ASH1L: variants seen among roughly 807,000 people sequenced by gnomAD.
ASH1L encodes ASH1 like histone lysine methyltransferase, also known as histone-lysine N-methyltransferase ASH1L.
Under a neutral mutation model 269.0 loss-of-function variants are expected in ASH1L, and 23 were observed. The observed-to-expected ratio is 0.09, with a 90% CI of 0.06 to 0.12. The LOEUF (loss-of-function observed/expected upper bound fraction) is 0.12. Among genes scored for constraint, ASH1L ranks in the 10% least tolerant of loss-of-function variants. The pLI, the probability that ASH1L is intolerant of heterozygous loss-of-function variation, is 1.00. For synonymous variants in ASH1L, 1,187 were observed against 1,253.5 expected (o/e 0.95, Z 1.12); for missense variants, 2,912 against 3,567.8 (o/e 0.82, Z 4.68).
intron 12 of ASH1L, among the ~76,000 whole-genome samples, chr1:155,362,400 TA>T (rs1001556035): frequency 2.4e-3 from 338 of 141,656 alleles, no homozygotes; most frequent in Middle Eastern, 3.6e-3. Context: ...CTTAATATAT[TA>T]AAAAAAAAAA....
At position 155,337,540 on chromosome 1, in the gene ASH1L, T is replaced by C. The variant is rs1450789727; in HGVS notation, c.*120A>G. Reference sequence around the variant, plus strand: ...TATTAAGTACCTAATGTCAACAACATGGCCCCATTCCCCTTGCCCAGATGG... The same window carrying C: ...TATTAAGTACCTAATGTCAACAACACGGCCCCATTCCCCTTGCCCAGATGG... On this transcript the variant is annotated 3_prime_UTR_variant, in exon 28 of 28. Coordinates refer to ENST00000392403, the MANE Select transcript of ASH1L (RefSeq NM_018489.3). The C allele has an allele frequency of 1.3e-6, 1 of 769,270 alleles. No homozygotes were observed. The highest frequency in any genetic ancestry group is 2.0e-5 in the Admixed American group (1 of 50,244). The allele number at this position is 769,270 out of a possible 1,614,324, so 47.7% of individuals were successfully genotyped here. A position where few individuals can be genotyped will look rare whatever the true frequency, so the allele number is the denominator to read the frequency against.
rs556974313 is a variant in ASH1L at position 155,335,739 on chromosome 1, T to G, written c.*1921A>C. 9.8e-5 allele frequency: 15 copies of G among 152,868 alleles called. No homozygotes were observed. The highest frequency in any genetic ancestry group is 3.6e-4 in the African/African-American group (15 of 41,568). The allele number at this position is 152,868 out of a possible 1,614,324, so 9.5% of individuals were successfully genotyped here. ...GACAGAGCGTAGTGTCTTTTGCTTC[T>G]GTTCTCGCATTTTACAAAGTTTTTT... is the stretch of plus-strand genomic sequence containing the variant. On this transcript the variant is annotated 3_prime_UTR_variant, in exon 28 of 28. Coordinates refer to ENST00000392403, the MANE Select transcript of ASH1L (RefSeq NM_018489.3).
intron 16 of ASH1L, among the ~76,000 whole-genome samples, 167 bp downstream of exon 16, chr1:155,354,306 G>A (rs879703570): frequency 6.6e-5 from 10 of 152,180 alleles, no homozygotes; most frequent in Non-Finnish European, 1.3e-4. Context: ...AGCCGGGCAT[G>A]GTGGCGGGCG....
intron 8 of ASH1L, among the ~76,000 whole-genome samples, chr1:155,379,062 T>A (rs987623000): frequency 6.7e-6 from 1 of 149,742 alleles, no homozygotes; most frequent in African/African-American, 2.5e-5. Flanking sequence ...GCAGGCAAAA[T>A]GGAGCTCTCA....
intron 5 of ASH1L, among the ~76,000 whole-genome samples, chr1:155,434,708 C>T (rs1022718285): frequency 1.3e-5 from 2 of 151,742 alleles, no homozygotes; most frequent in Non-Finnish European, 2.9e-5. Flanking sequence ...AAAAAATTAG[C>T]CAGGCATGGT....
At chr1:155,462,803 T>C (rs1300397882) in intron 3 of ASH1L, among the ~76,000 whole-genome samples, 3 of 152,206 alleles carry the variant, frequency 2.0e-5, no homozygotes, top group African/African-American at 4.8e-5. Context: ...TTCTTAACAA[T>C]ATTCCATATT....
chr1:155,409,359 G>C (rs1659572791), intron 6 of ASH1L, among the ~76,000 whole-genome samples: 2 of 151,870 alleles, frequency 1.3e-5, no homozygotes, highest in African/African-American at 4.8e-5. Context: ...TTAAACTTAG[G>C]GAAAAAACAT....
intron 4 of ASH1L, among the ~76,000 whole-genome samples, chr1:155,442,373 A>T (rs1415011093): frequency 6.6e-6 from 1 of 151,908 alleles, no homozygotes; most frequent in Non-Finnish European, 1.5e-5. Flanking sequence ...GGATCAGGTC[A>T]GGAGTTTGAA....
chr1:155,484,928 C>CAAAAAAAAAAA (rs761331437), intron 2 of ASH1L, among the ~76,000 whole-genome samples: 9 of 82,772 alleles, frequency 1.1e-4, no homozygotes, highest in African/African-American at 4.4e-4. Context: ...TGCTCTGTCT[C>CAAAAAAAAAAA]AAAAAAAAAA....
Position 155,343,531 on chromosome 1 carries a change from C to T in ASH1L, c.8121-45G>A, listed in dbSNP as rs763163507. On this transcript the variant is annotated intron_variant, in intron 23 of 27. Coordinates refer to ENST00000392403, the MANE Select transcript of ASH1L (RefSeq NM_018489.3). The surrounding 1 kb of genome is among the most constrained non-coding windows in gnomAD (Gnocchi z 6.1). ...AGAAGGGAGAGGTTTAGCTGATTAG[C>T]AAGATCCTAGTGAACATTCAGCTCC... The T allele has an allele frequency of 2.5e-5, 41 of 1,611,708 alleles. No homozygotes were observed. In the Admixed American group the frequency reaches 6.7e-4, roughly 26 times the overall value.
chr1:155,434,571 G>A (rs1661923858), intron 5 of ASH1L, among the ~76,000 whole-genome samples: 1 of 151,936 alleles, frequency 6.6e-6, no homozygotes, highest in South Asian at 2.1e-4. Flanking sequence ...AATTTAGGAT[G>A]GTGGGGCGCC....
chr1:155,452,142 G>A (rs530893876), intron 4 of ASH1L, among the ~76,000 whole-genome samples: 16 of 151,510 alleles, frequency 1.1e-4, no homozygotes, highest in Admixed American at 2.0e-4. Context: ...GGGTTCAAGC[G>A]ATTCTCGTGC....
intron 16 of ASH1L, 36 bp downstream of exon 16, chr1:155,354,437 C>G (rs1277521404): frequency 6.3e-7 from 1 of 1,588,062 alleles, no homozygotes; most frequent in Non-Finnish European, 8.6e-7. Flanking sequence ...GAGTGAAACT[C>G]TGTCTCAAAA....
chr1:155,356,098 T>A (rs888105904), intron 15 of ASH1L, among the ~76,000 whole-genome samples: 1 of 151,852 alleles, frequency 6.6e-6, no homozygotes, highest in Non-Finnish European at 1.5e-5. Context: ...CCACCATGCC[T>A]GGCTAATTTT....
intron 7 of ASH1L, among the ~76,000 whole-genome samples, chr1:155,380,803 A>AT (rs34017490): frequency 0.13 from 16,479 of 126,268 alleles, 1,138 homozygotes; most frequent in Non-Finnish European, 0.18. Context: ...GCTAATTTGT[A>AT]TTTTTTTTTT....
chr1:155,452,580 A>G (rs1663567926), intron 4 of ASH1L, among the ~76,000 whole-genome samples: 1 of 145,990 alleles, frequency 6.8e-6, no homozygotes, highest in Admixed American at 6.9e-5. Context: ...TTTTTGAGAC[A>G]GGGTCTTGCT....
Position 155,343,488 on chromosome 1 carries a change from TA to T in ASH1L, c.8121-3del, listed in dbSNP as rs978580252. ...TGACCAAAGGCAAACCGTTCCTCTC[TA>T]AAACAATGGAAAAGTGAGAAGGGAG... On this transcript the variant is annotated splice_region_variant and splice_polypyrimidine_tract_variant and intron_variant, in intron 23 of 27. Coordinates refer to ENST00000392403, the MANE Select transcript of ASH1L (RefSeq NM_018489.3). The surrounding 1 kb of genome is among the most constrained non-coding windows in gnomAD (Gnocchi z 6.1). 4.3e-6 allele frequency: 7 copies of T among 1,613,606 alleles called. No individual in the cohort carries two copies. The African/African-American group carries it at 8.0e-5, about 18-fold the overall frequency.
intron 2 of ASH1L, among the ~76,000 whole-genome samples, chr1:155,516,566 G>A (rs1210931250): frequency 6.6e-6 from 1 of 152,136 alleles, no homozygotes; most frequent in African/African-American, 2.4e-5. Flanking sequence ...GGCCAAGGAA[G>A]GAGAATCATT....
chr1:155,356,934 TA>T (rs34364477), intron 15 of ASH1L, among the ~76,000 whole-genome samples: 61 of 141,298 alleles, frequency 4.3e-4, no homozygotes, highest in Admixed American at 1.5e-3. Flanking sequence ...ACAAAAAATT[TA>T]AAAAAAAAAA....
Sources: gnomAD v4.1 joint callset for allele counts (sites outside exome capture counted in the v4.1 genomes callset) on GRCh38, gnomAD v4.1.1 for gene constraint, Gnocchi (gnomAD v3.1) non-coding constraint, MANE v1.5 for transcripts, NCBI Gene and HGNC (gene_info 2026-07-23, HGNC 2026-07-21) for gene names.